The following IL9 variants were observed in gnomAD, a reference collection of about 807,000 sequenced individuals.
IL9 encodes the protein interleukin 9.
A neutral mutation model predicts 12.9 loss-of-function variants in IL9; 16 were observed. The ratio of observed to expected loss-of-function variants is 1.24; its 90% CI spans 0.84 to 1.88. IL9 has a LOEUF of 1.88. IL9 is among the 40% of genes most tolerant of loss of function. The pLI, the probability that IL9 is intolerant of heterozygous loss-of-function variation, is 0.00. For missense variants in IL9, 170 were observed against 173.1 expected, an observed-to-expected ratio of 0.98 and a Z score of 0.10; for synonymous variants, 69 against 63.8, an observed-to-expected ratio of 1.08 and a Z score of -0.39.
chr5:135,892,409 C>T lies in IL9; in HGVS notation c.417G>A (p.Gly139=), dbSNP rs1269361014. The T allele has an allele frequency of 6.2e-7, 1 of 1,604,364 alleles. No individual in the cohort carries two copies. The highest frequency in any genetic ancestry group is 1.1e-5 in the South Asian group (1 of 89,892). ...TTCATCTTCATATCTTGCCTCTCAT[C>T]CCTCTCATCTTTTCTTTCTGGAAAA... is the stretch of plus-strand genomic sequence containing the variant. ...LEIFQKEKMR[G]MRGKI Residue 139 remains glycine (G), a synonymous_variant, in exon 5 of 5, where the codon GGG becomes GGA. Coordinates refer to ENST00000274520, the MANE Select transcript of IL9 (RefSeq NM_000590.2).
chr5:135,895,646 A>T, intron 1 of IL9, 56 bp from the exon 2 acceptor site: 2 of 1,608,384 alleles, frequency 1.2e-6, no homozygotes, highest in Non-Finnish European at 1.7e-6. Context: ...TTTCATCCTC[A>T]TACATATTTC....
rs749944547 is a variant in IL9 at position 135,895,597 on chromosome 5, T to C, written c.115-7A>G. 1 of 1,614,020 alleles carries C rather than the reference T, an allele frequency of 6.2e-7. No individual in the cohort carries two copies. Among genetic ancestry groups the C allele is most frequent in the Non-Finnish European group, 8.5e-7 (1 of 1,179,846 alleles). ...ACTTGGAAGCTGGATCTTCCTAAAG[T>C]AGATAGAGAGATAAGAACCTTTAGT... On this transcript the variant is annotated splice_polypyrimidine_tract_variant and splice_region_variant and intron_variant, in intron 1 of 4. Transcript: ENST00000274520.
chr5:135,893,397 A>T (rs1762901099), intron 4 of IL9, among the ~76,000 whole-genome samples: 1 of 152,180 alleles, frequency 6.6e-6, no homozygotes, highest in South Asian at 2.1e-4. Flanking sequence ...AAATCACTTG[A>T]GTTCAGGAGT....
chr5:135,894,583 G>C (rs944861295), intron 3 of IL9, among the ~76,000 whole-genome samples: 3 of 152,204 alleles, frequency 2.0e-5, no homozygotes, highest in Admixed American at 6.5e-5. Flanking sequence ...AGGGACAGGG[G>C]CTGTGCTGTC....
intron 4 of IL9, among the ~76,000 whole-genome samples, chr5:135,893,631 C>T (rs75318840): frequency 7.6e-4 from 115 of 152,114 alleles, no homozygotes; most frequent in African/African-American, 2.4e-3. Flanking sequence ...ACAAAACCTC[C>T]TTAACCAACA....
At chr5:135,894,882 C>A (rs1487186442) in intron 3 of IL9, among the ~76,000 whole-genome samples, 2 of 152,214 alleles carry the variant, frequency 1.3e-5, no homozygotes, top group Non-Finnish European at 2.9e-5. Context: ...GATCCTCTAC[C>A]TGCCCAGAGG....
In IL9 at chr5:135,892,778, A is replaced by ACCC. The variant is rs1554088988; in HGVS notation, c.316-271_316-269dup. The stretch of plus-strand genomic sequence containing the variant: ...CACACACACACACACACACACACAC[A>ACCC]CCCCTATTAAGTGGCCCTAAATCTC... On this transcript the variant is annotated intron_variant, in intron 4 of 4. Coordinates refer to ENST00000274520, the MANE Select transcript of IL9 (RefSeq NM_000590.2). Among the ~76,000 whole-genome samples the ACCC allele has an allele frequency of 7.4e-5, 10 of 134,580 alleles. No homozygotes were observed. The East Asian group carries it at 1.9e-3, about 25-fold the overall frequency. 88.3% of individuals were successfully genotyped at this position (134,580 alleles called of 152,430 possible).
In IL9 at chr5:135,894,002, A is replaced by G. The variant is rs369385035; in HGVS notation, c.315+18T>C. On this transcript the variant is annotated intron_variant, in intron 4 of 4. Transcript: ENST00000274520. The stretch of plus-strand genomic sequence containing the variant: ...GAAATCACCAACAGGAACATATCAC[A>G]TATGAAAACAAACTTACTGGACACT... 3 of 1,605,728 alleles carry G rather than the reference A, an allele frequency of 1.9e-6. No homozygotes were observed. Among genetic ancestry groups the G allele is most frequent in the Middle Eastern group, 1.7e-4 (1 of 6,048 alleles).
At chr5:135,894,216 A>ATATATCACAGCTTTG in intron 3 of IL9, 65 bp from the exon 4 acceptor site, 2 of 1,455,238 alleles carry the variant, frequency 1.4e-6, no homozygotes, top group Non-Finnish European at 1.9e-6. Flanking sequence ...TATATCACAA[A>ATATATCACAGCTTTG]GAGCAATATA....
chr5:135,895,409 G>A, intron 3 of IL9, 31 bp downstream of exon 3: 1 of 1,578,950 alleles, frequency 6.3e-7, no homozygotes, highest in South Asian at 1.2e-5. Flanking sequence ...AAAAATCCAA[G>A]GTCAACATTA....
rs1762884700 is a variant in IL9, at chr5:135,892,525, G to T, written c.316-15C>A. 1 of 1,608,934 alleles carries T rather than the reference G, an allele frequency of 6.2e-7. No homozygotes were observed. The highest frequency in any genetic ancestry group is 1.3e-5 in the African/African-American group (1 of 74,540). ...CAGGAAAAATACTGTGGGGATGAAAGTTGATAAGGACAGAGTGACTCAAAT... is the reference window on the plus strand; with the variant it reads ...CAGGAAAAATACTGTGGGGATGAAATTTGATAAGGACAGAGTGACTCAAAT... On this transcript the variant is annotated splice_polypyrimidine_tract_variant and intron_variant, in intron 4 of 4. Transcript: ENST00000274520.
rs201210989 is a variant in IL9, at chr5:135,893,643, G to GA, written c.315+376dup. Among the ~76,000 whole-genome samples the GA allele has an allele frequency of 3.5e-4, 53 of 150,674 alleles. No individual in the cohort carries two copies. In the East Asian group the frequency reaches 5.8e-3, roughly 17 times the overall value. ...AAAACAAAACCTCCTTAACCAACAGGAAAAAAAAATCCCTGTTAACAACAT... is the reference window on the plus strand; with the variant it reads ...AAAACAAAACCTCCTTAACCAACAGGAAAAAAAAAATCCCTGTTAACAACAT... On this transcript the variant is annotated intron_variant, in intron 4 of 4. Transcript: ENST00000274520.
intron 3 of IL9, among the ~76,000 whole-genome samples, chr5:135,894,708 C>T (rs967424774): frequency 6.6e-6 from 1 of 152,188 alleles, no homozygotes; most frequent in African/African-American, 2.4e-5. Context: ...TCAGATTCTC[C>T]CAGGCCTTGC....
chr5:135,892,567 G>A (rs1762885015), intron 4 of IL9, 57 bp from the exon 5 acceptor site: 1 of 1,543,256 alleles, frequency 6.5e-7, no homozygotes, highest in African/African-American at 1.4e-5. Context: ...GAGCCAAGCA[G>A]CCCCAGAAGC....
At position 135,893,507 on chromosome 5, in the gene IL9, G is replaced by A. The variant is rs11743927; in HGVS notation, c.315+513C>T. Among the ~76,000 whole-genome samples, 230 of 152,240 alleles carry A rather than the reference G, an allele frequency of 1.5e-3. 1 individual carries two copies. The highest frequency in any genetic ancestry group is 2.5e-3 in the Non-Finnish European group (168 of 68,016). On this transcript the variant is annotated intron_variant, in intron 4 of 4. Transcript: ENST00000274520. ...CGCACCTGTAATGCCAGCTACTCGG[G>A]AGGCTGAGGCAGGATAATCACTTGA... is the stretch of plus-strand genomic sequence containing the variant.
At chr5:135,893,345 C>T (rs1318276176) in intron 4 of IL9, among the ~76,000 whole-genome samples, 1 of 152,182 alleles carries the variant, frequency 6.6e-6, no homozygotes, top group African/African-American at 2.4e-5. Flanking sequence ...GGCATGGTGG[C>T]TCACACCTGT....
In IL9 at chr5:135,894,155, G is replaced by A. The variant is rs757910861; in HGVS notation, c.184-4C>T. On this transcript the variant is annotated splice_polypyrimidine_tract_variant and splice_region_variant and intron_variant, in intron 3 of 4. Transcript: ENST00000274520. The stretch of plus-strand genomic sequence containing the variant: ...AGCATGGTCTGGTGCAGTTGTCCTG[G>A]TAAATAGTAAGGATTTATTCAAAGA... The A allele has an allele frequency of 6.2e-7, 1 of 1,611,052 alleles. No homozygotes were observed. Among genetic ancestry groups the A allele is most frequent in the Non-Finnish European group, 8.5e-7 (1 of 1,179,082 alleles).
Position 135,894,025 on chromosome 5 carries a change from A to T in IL9, c.310T>A (p.Cys104Ser). 6.2e-7 allele frequency: 1 copy of T among 1,610,840 alleles called. No homozygotes were observed. The highest frequency in any genetic ancestry group is 8.5e-7 in the Non-Finnish European group (1 of 1,179,322). ...ACATATGAAAACAAACTTACTGGAC[A>T]CTTGTTGTTCTTTAGTACTTCAACT... is the stretch of plus-strand genomic sequence containing the variant. ...KSVEVLKNNK[C>S]PYFSCEQPCN... The change falls in exon 4 of 5, where the codon TGT (cysteine) becomes AGT (serine). Residue 104 changes from cysteine to serine, a missense_variant. Cys to Ser is a moderately radical substitution (Grantham distance 112). Coordinates refer to ENST00000274520, the MANE Select transcript of IL9 (RefSeq NM_000590.2).
At chr5:135,893,417 A>T (rs559695316) in intron 4 of IL9, among the ~76,000 whole-genome samples, 1 of 151,878 alleles carries the variant, frequency 6.6e-6, no homozygotes, top group Non-Finnish European at 1.5e-5. Context: ...TTGGAGAGCA[A>T]CCTGGCCAAC....
Sources: gnomAD v4.1 joint callset for allele counts (sites outside exome capture counted in the v4.1 genomes callset) on GRCh38, gnomAD v4.1.1 for gene constraint, MANE v1.5 for transcripts, NCBI Gene and HGNC (gene_info 2026-07-23, HGNC 2026-07-21) for gene names.